DOCK4: variants seen among roughly 807,000 people sequenced by gnomAD.
DOCK4 encodes the protein dedicator of cytokinesis protein 4.
A neutral mutation model predicts 268.1 loss-of-function variants in DOCK4; 97 were observed. That is an observed-to-expected ratio of 0.36 (90% CI 0.31 to 0.43). DOCK4 has a LOEUF of 0.43. Among genes scored for constraint, DOCK4 ranks in the 20% least tolerant of loss-of-function variants. DOCK4 has a pLI of 1.00. For synonymous variants in DOCK4, 954 were observed against 887.2 expected, an observed-to-expected ratio of 1.08 and a Z score of -1.34; for missense variants, 2,145 against 2,455.7, an observed-to-expected ratio of 0.87 and a Z score of 2.67.
chr7:112,040,984 T>A (rs1233462119), intron 1 of DOCK4, among the ~76,000 whole-genome samples: 3 of 151,618 alleles, frequency 2.0e-5, no homozygotes, highest in Non-Finnish European at 4.4e-5. Flanking sequence ...TAGAGGTAAT[T>A]TTTTTTTTAC....
chr7:111,866,755 G>A (rs185372544), intron 22 of DOCK4, among the ~76,000 whole-genome samples: 2 of 152,304 alleles, frequency 1.3e-5, no homozygotes, highest in East Asian at 1.9e-4. Flanking sequence ...TATTTTTCAG[G>A]TGTGAATTAG....
rs754310859 is a variant in DOCK4 at position 112,115,429 on chromosome 7, C to T, written c.37+90673G>A. 2.0e-5 allele frequency among the ~76,000 whole-genome samples: 3 copies of T among 152,182 alleles called. No homozygotes were observed. The South Asian group carries it at 6.2e-4, about 31-fold the overall frequency. On this transcript the variant is annotated intron_variant, in intron 1 of 52. Transcript: ENST00000428084. ...GCACTCCTGCTTTGGACACCTGCAG[C>T]CTACTGTTCTCACCTCCTCCATGGC...
At chr7:111,787,772 G>T (rs2133789669) in intron 32 of DOCK4, among the ~76,000 whole-genome samples, 1 of 152,214 alleles carries the variant, frequency 6.6e-6, no homozygotes, top group South Asian at 2.1e-4. Flanking sequence ...AATATATTTT[G>T]TCATAGAAAA....
intron 52 of DOCK4, among the ~76,000 whole-genome samples, chr7:111,731,593 A>T (rs1389147786): frequency 1.3e-5 from 2 of 152,206 alleles, no homozygotes; most frequent in Admixed American, 6.5e-5. Context: ...TTTATGTTTA[A>T]AGATGTTAAA....
intron 47 of DOCK4, among the ~76,000 whole-genome samples, chr7:111,740,455 G>A (rs1298978895): frequency 9.3e-5 from 14 of 150,862 alleles, no homozygotes; most frequent in African/African-American, 3.2e-4. Context: ...AAGAGGGGCC[G>A]GGCGCAGTAG....
chr7:111,755,639 CCTT>C, intron 41 of DOCK4, 38 bp from the exon 42 acceptor site: 5 of 1,592,662 alleles, frequency 3.1e-6, no homozygotes, highest in African/African-American at 2.7e-5. Context: ...CCCAAGTTGC[CCTT>C]CTTTCTAGCT....
At chr7:111,801,720 C>T (rs1366582068) in intron 30 of DOCK4, 5 of 137,038 alleles carry the variant, frequency 3.6e-5, no homozygotes, top group African/African-American at 1.3e-4. Flanking sequence ...GACAGAGTCT[C>T]GCTCTGTTGC....
At chr7:112,129,620 C>T (rs1285569118) in intron 1 of DOCK4, among the ~76,000 whole-genome samples, 1 of 152,018 alleles carries the variant, frequency 6.6e-6, no homozygotes, top group African/African-American at 2.4e-5. Flanking sequence ...TAAGATGTCA[C>T]CATTAAGGGA....
At chr7:111,767,839 T>C (rs745371312) in intron 37 of DOCK4, among the ~76,000 whole-genome samples, 2 of 152,010 alleles carry the variant, frequency 1.3e-5, no homozygotes, top group African/African-American at 2.4e-5. Flanking sequence ...TGCTTGCAAA[T>C]TGTGAGAGGT....
At chr7:111,961,366 A>G (rs925604261) in intron 8 of DOCK4, among the ~76,000 whole-genome samples, 5 of 152,144 alleles carry the variant, frequency 3.3e-5, no homozygotes, top group African/African-American at 1.2e-4. Flanking sequence ...TTAAACCTCT[A>G]CAAACACTCA....
intron 1 of DOCK4, among the ~76,000 whole-genome samples, chr7:112,186,918 T>C (rs2116749520): frequency 6.6e-6 from 1 of 152,258 alleles, no homozygotes; most frequent in Middle Eastern, 3.4e-3. Flanking sequence ...CCAGCAAATA[T>C]GCCATGGCTA....
intron 25 of DOCK4, among the ~76,000 whole-genome samples, chr7:111,835,836 T>C (rs139428918): frequency 6.6e-6 from 1 of 152,240 alleles, no homozygotes; most frequent in Non-Finnish European, 1.5e-5. Flanking sequence ...GACCCAAGGA[T>C]GCTATAATAC....
chr7:112,057,032 T>A (rs1284813022), intron 1 of DOCK4, among the ~76,000 whole-genome samples: 5 of 152,192 alleles, frequency 3.3e-5, no homozygotes, highest in Non-Finnish European at 7.4e-5. Flanking sequence ...TTATTGTATA[T>A]AAATTATAAC....
chr7:112,022,954 T>C (rs985546568), intron 1 of DOCK4, among the ~76,000 whole-genome samples: 2 of 152,144 alleles, frequency 1.3e-5, no homozygotes, highest in Non-Finnish European at 1.5e-5. Context: ...TCTCACTCTG[T>C]TGCCCATGCT....
chr7:112,041,967 C>T (rs1322460145), intron 1 of DOCK4, among the ~76,000 whole-genome samples: 1 of 152,062 alleles, frequency 6.6e-6, no homozygotes, highest in Non-Finnish European at 1.5e-5. Context: ...TGTGAAGATG[C>T]TCCAGTTGAT....
At chr7:111,831,893 A>C (rs1322613362) in intron 26 of DOCK4, among the ~76,000 whole-genome samples, 3 of 152,136 alleles carry the variant, frequency 2.0e-5, no homozygotes, top group Non-Finnish European at 4.4e-5. Flanking sequence ...TCCTCAAAAC[A>C]AAGTCTACAC....
chr7:112,067,474 A>G (rs1042001755), intron 1 of DOCK4, among the ~76,000 whole-genome samples: 4 of 152,158 alleles, frequency 2.6e-5, no homozygotes, highest in Non-Finnish European at 5.9e-5. Flanking sequence ...AGAAGGTACG[A>G]CTTCAGCTAA....
chr7:112,013,924 C>T (rs1433806407), intron 1 of DOCK4, among the ~76,000 whole-genome samples: 4 of 152,202 alleles, frequency 2.6e-5, no homozygotes, highest in Non-Finnish European at 5.9e-5. Flanking sequence ...ACCACCTCTA[C>T]TTCTGCGGCT....
intron 28 of DOCK4, among the ~76,000 whole-genome samples, chr7:111,811,195 T>A (rs1801105208): frequency 6.6e-6 from 1 of 152,168 alleles, no homozygotes; most frequent in Admixed American, 6.5e-5. Context: ...CCTTTTTTAT[T>A]GTATTTGTCC....
Sources: gnomAD v4.1 joint callset for allele counts (sites outside exome capture counted in the v4.1 genomes callset) on GRCh38, gnomAD v4.1.1 for gene constraint, MANE v1.5 for transcripts, NCBI Gene and HGNC (gene_info 2026-07-23, HGNC 2026-07-21) for gene names.